Variants in CBLB observed in about 807,000 individuals in gnomAD.
The protein encoded by CBLB is Cbl proto-oncogene B.
A neutral mutation model predicts 104.9 loss-of-function variants in CBLB; 31 were observed. The ratio of observed to expected loss-of-function variants is 0.30; its 90% CI spans 0.22 to 0.40. The LOEUF is 0.40. Ranked by LOEUF, CBLB falls within the 10% of genes least tolerant of loss-of-function variation. CBLB has a pLI of 1.00. For synonymous variants in CBLB, 440 were observed against 422.6 expected, an observed-to-expected ratio of 1.04 and a Z score of -0.51; for missense variants, 1,062 against 1,214.6, an observed-to-expected ratio of 0.87 and a Z score of 1.87.
chr3:105,856,505 C>G (rs1485093928), intron 2 of CBLB, among the ~76,000 whole-genome samples: 1 of 152,040 alleles, frequency 6.6e-6, no homozygotes, highest in African/African-American at 2.4e-5. Context: ...AGGGCATGAT[C>G]TTATATTCTT....
At chr3:105,760,372 A>G (rs2077502873) in intron 4 of CBLB, among the ~76,000 whole-genome samples, 1 of 152,220 alleles carries the variant, frequency 6.6e-6, no homozygotes, top group South Asian at 2.1e-4. Context: ...GGTTTTAAAC[A>G]ATGAATACTT....
At chr3:105,766,204 T>C (rs983819976) in intron 4 of CBLB, among the ~76,000 whole-genome samples, 2 of 152,160 alleles carry the variant, frequency 1.3e-5, no homozygotes, top group African/African-American at 4.8e-5. Flanking sequence ...GCAAATCTCA[T>C]AAAATTTGAA....
rs751238337 is a variant in CBLB, at chr3:105,659,187, C to T, written c.2732G>A (p.Arg911His). Residue 911 changes from arginine to histidine, a missense_variant, in exon 19 of 19, where the codon CGC (arginine) becomes CAC (histidine). This residue lies in a region of CBLB where 605 missense variants were observed against 582.6 expected (regional missense o/e 1.04). Coordinates refer to ENST00000394030, the MANE Select transcript of CBLB (RefSeq NM_170662.5). Reference protein sequence around the residue: ...APARPPKPRPRRTAPEIHHRK... With the variant: ...APARPPKPRPHRTAPEIHHRK... Reference sequence around the variant, plus strand: ...GTGGTGAATTTCTGGTGCAGTCCTGCGCGGTCGTGGTTTAGGGGGTCTGGC... The same window carrying T: ...GTGGTGAATTTCTGGTGCAGTCCTGTGCGGTCGTGGTTTAGGGGGTCTGGC... The T allele has an allele frequency of 8.7e-6, 14 of 1,613,772 alleles. No individual in the cohort carries two copies. The highest frequency in any genetic ancestry group is 1.7e-5 in the Admixed American group (1 of 59,966).
chr3:105,721,490 A>G (rs944797765), intron 9 of CBLB, among the ~76,000 whole-genome samples: 2 of 152,220 alleles, frequency 1.3e-5, no homozygotes, highest in Non-Finnish European at 2.9e-5. Flanking sequence ...AAAGTGTCAA[A>G]AAACAAAAAA....
chr3:105,791,540 T>C (rs1242912859), intron 3 of CBLB, among the ~76,000 whole-genome samples: 4 of 152,234 alleles, frequency 2.6e-5, no homozygotes, highest in Non-Finnish European at 5.9e-5. Context: ...TGACGTTGTC[T>C]TAGGTAATTC....
intron 3 of CBLB, among the ~76,000 whole-genome samples, chr3:105,851,463 A>C (rs1453847838): frequency 1.3e-5 from 2 of 152,238 alleles, no homozygotes; most frequent in Non-Finnish European, 2.9e-5. Context: ...TGGATATATT[A>C]CATTATGCAT....
intron 3 of CBLB, among the ~76,000 whole-genome samples, chr3:105,843,379 AT>A (rs1410811196): frequency 6.6e-6 from 1 of 152,176 alleles, no homozygotes; most frequent in African/African-American, 2.4e-5. Flanking sequence ...CCAATTATTT[AT>A]TTTCTATGTG....
chr3:105,791,272 G>A (rs2081602146), intron 3 of CBLB, among the ~76,000 whole-genome samples: 1 of 152,124 alleles, frequency 6.6e-6, no homozygotes, highest in South Asian at 2.1e-4. Flanking sequence ...TTCTACTTTG[G>A]CGGAGTCTCA....
At chr3:105,854,437 G>T (rs939250321) in intron 2 of CBLB, among the ~76,000 whole-genome samples, 1 of 152,094 alleles carries the variant, frequency 6.6e-6, no homozygotes, top group Non-Finnish European at 1.5e-5. Context: ...TCCAGAAAGG[G>T]CATAATCAAC....
intron 7 of CBLB, among the ~76,000 whole-genome samples, chr3:105,739,371 C>T (rs2075293072): frequency 6.6e-6 from 1 of 152,074 alleles, no homozygotes; most frequent in South Asian, 2.1e-4. Context: ...TAGGTTTCTA[C>T]CAGAATTCAT....
intron 17 of CBLB, chr3:105,671,671 TA>T (rs1489234993): frequency 4.9e-6 from 1 of 204,906 alleles, no homozygotes; most frequent in African/African-American, 2.3e-5. Context: ...TGACTATTTT[TA>T]TATTAGTTTT....
intron 10 of CBLB, among the ~76,000 whole-genome samples, chr3:105,711,157 A>G (rs2071008767): frequency 6.6e-6 from 1 of 152,048 alleles, no homozygotes; most frequent in Admixed American, 6.6e-5. Context: ...TACTAATAAG[A>G]TGAGAGTTCT....
At chr3:105,687,823 A>C (rs1042782559) in intron 13 of CBLB, among the ~76,000 whole-genome samples, 10 of 151,888 alleles carry the variant, frequency 6.6e-5, no homozygotes, top group Admixed American at 2.6e-4. Context: ...TCTGAAAAAA[A>C]AAACTGGTTT....
At chr3:105,859,705 A>G (rs1341390333) in intron 2 of CBLB, among the ~76,000 whole-genome samples, 1 of 151,460 alleles carries the variant, frequency 6.6e-6, no homozygotes, top group Non-Finnish European at 1.5e-5. Context: ...CTCCTCCTAT[A>G]AATGTTAGAA....
At chr3:105,661,877 G>A (rs533910040) in intron 18 of CBLB, among the ~76,000 whole-genome samples, 13 of 152,062 alleles carry the variant, frequency 8.5e-5, no homozygotes, top group Non-Finnish European at 1.5e-4. Context: ...TATGGACTGA[G>A]GAGACCATTA....
chr3:105,685,176 T>C, intron 14 of CBLB, 144 bp downstream of exon 14: 3 of 733,932 alleles, frequency 4.1e-6, no homozygotes, highest in Non-Finnish European at 4.7e-6. Context: ...AAAGTAATGC[T>C]GGAAATGGTA....
chr3:105,790,636 A>G (rs988089325), intron 3 of CBLB, among the ~76,000 whole-genome samples: 4 of 152,178 alleles, frequency 2.6e-5, no homozygotes, highest in Admixed American at 6.5e-5. Context: ...ACACAATTAC[A>G]TACACTCTAA....
At chr3:105,788,760 C>T (rs1419210186) in intron 3 of CBLB, among the ~76,000 whole-genome samples, 1 of 152,184 alleles carries the variant, frequency 6.6e-6, no homozygotes, top group Non-Finnish European at 1.5e-5. Context: ...ATTTCCCTCC[C>T]CTTTTACTGA....
chr3:105,720,322 T>G, intron 9 of CBLB, 72 bp from the exon 10 acceptor site: 1 of 1,400,510 alleles, frequency 7.1e-7, no homozygotes, highest in Non-Finnish European at 9.9e-7. Context: ...AATAATGTTC[T>G]ACAACTATAA....
Sources: allele counts gnomAD v4.1 joint callset (sites outside exome capture counted in the v4.1 genomes callset), GRCh38; gene constraint gnomAD v4.1.1; regional missense constraint gnomAD v4.1.1; transcripts MANE v1.5; gene names NCBI Gene and HGNC (gene_info 2026-07-23, HGNC 2026-07-21).